Variants in CTIF observed in about 807,000 individuals in gnomAD.
CTIF encodes the protein CBP80/20-dependent translation initiation factor.
Under a neutral mutation model 66.0 loss-of-function variants are expected in CTIF, and 21 were observed. The observed-to-expected ratio is 0.32, with a 90% CI of 0.23 to 0.46. The LOEUF (loss-of-function observed/expected upper bound fraction) is 0.46, where lower values mean the gene tolerates loss of function less well. Ranked by LOEUF, CTIF falls within the 20% of genes least tolerant of loss-of-function variation. The pLI is 1.00. For synonymous variants in CTIF, 345 were observed against 326.4 expected, an observed-to-expected ratio of 1.06 and a Z score of -0.62; for missense variants, 739 against 812.7, an observed-to-expected ratio of 0.91 and a Z score of 1.10.
intron 3 of CTIF, among the ~76,000 whole-genome samples, chr18:48,650,731 C>T (rs1363413439): frequency 6.6e-6 from 1 of 152,120 alleles, no homozygotes; most frequent in East Asian, 1.9e-4. Flanking sequence ...AGAGAAAGGT[C>T]GGGTTACCCA....
intron 7 of CTIF, among the ~76,000 whole-genome samples, chr18:48,756,589 T>C (rs1415667386): frequency 6.6e-6 from 1 of 152,240 alleles, no homozygotes; most frequent in Non-Finnish European, 1.5e-5. Flanking sequence ...GCAAAATCTT[T>C]CCACTATTTT....
At chr18:48,577,411 T>C (rs539091154) in intron 1 of CTIF, among the ~76,000 whole-genome samples, 4 of 152,322 alleles carry the variant, frequency 2.6e-5, no homozygotes, top group South Asian at 4.1e-4. Flanking sequence ...CATATTTTGT[T>C]TGTCTTTGGC....
chr18:48,641,362 C>T (rs142569443), intron 3 of CTIF, among the ~76,000 whole-genome samples: 14 of 152,178 alleles, frequency 9.2e-5, no homozygotes, highest in African/African-American at 7.2e-5. Context: ...CTTCCCTTGA[C>T]GGAAGGACTT....
intron 1 of CTIF, among the ~76,000 whole-genome samples, chr18:48,552,529 G>A (rs549398608): frequency 4.6e-5 from 7 of 152,282 alleles, no homozygotes; most frequent in African/African-American, 7.2e-5. Context: ...AGATTGCACC[G>A]TCTCACTGCT....
intron 3 of CTIF, among the ~76,000 whole-genome samples, chr18:48,638,929 T>G (rs2090875890): frequency 6.6e-6 from 1 of 152,174 alleles, no homozygotes; most frequent in Non-Finnish European, 1.5e-5. Flanking sequence ...GGGAGGGACC[T>G]CCTACAGGCC....
intron 1 of CTIF, among the ~76,000 whole-genome samples, chr18:48,588,183 C>A (rs1170432244): frequency 6.6e-6 from 1 of 152,198 alleles, no homozygotes; most frequent in Non-Finnish European, 1.5e-5. Flanking sequence ...TCCTTGCTCG[C>A]ATCCTCATGG....
At position 48,663,789 on chromosome 18, in the gene CTIF, C is replaced by T. The variant is rs1324561987; in HGVS notation, c.290C>T (p.Thr97Met). 3 of 1,614,116 alleles carry T rather than the reference C, an allele frequency of 1.9e-6. No homozygotes were observed. The highest frequency in any genetic ancestry group is 1.1e-5 in the South Asian group (1 of 91,082). Residue 97 changes from threonine to methionine, a missense_variant, in exon 4 of 12, where the codon ACG becomes ATG. Physicochemically the swap from Thr to Met is moderately conservative, Grantham distance 81. Transcript: ENST00000256413. ...SKDNSLDMLG[T>M]DIWAANTFDS... is the part of the protein sequence containing the mutation. ...GACAACTCTCTGGACATGCTGGGCACGGACATCTGGGCGGCCAACACCTTC... is the reference window on the plus strand; with the variant it reads ...GACAACTCTCTGGACATGCTGGGCATGGACATCTGGGCGGCCAACACCTTC...
At chr18:48,793,618 A>G (rs11082703) in intron 9 of CTIF, among the ~76,000 whole-genome samples, 40,390 of 152,068 alleles carry the variant, frequency 0.27, 5,709 homozygotes, top group African/African-American at 0.36. Context: ...CACAGGCTCC[A>G]GGGGGCTTCT....
At chr18:48,751,944 TATTCATTCATTC>T (rs71976839) in intron 7 of CTIF, among the ~76,000 whole-genome samples, 154 of 151,018 alleles carry the variant, frequency 1.0e-3, no homozygotes, top group South Asian at 3.0e-3. Flanking sequence ...CATCATTTAT[TATTCATTCATTC>T]ATTCATTCAT....
At chr18:48,778,818 A>G (rs1910940405) in intron 9 of CTIF, among the ~76,000 whole-genome samples, 1 of 152,156 alleles carries the variant, frequency 6.6e-6, no homozygotes, top group South Asian at 2.1e-4. Flanking sequence ...TTCTGGGGGC[A>G]TTCTCACTAG....
intron 3 of CTIF, among the ~76,000 whole-genome samples, chr18:48,651,142 C>T (rs2091148240): frequency 1.3e-5 from 2 of 152,162 alleles, no homozygotes; most frequent in South Asian, 4.1e-4. Context: ...TCACACATAA[C>T]AATATTAACC....
At chr18:48,814,287 A>G (rs1313107768) in intron 9 of CTIF, among the ~76,000 whole-genome samples, 1 of 152,188 alleles carries the variant, frequency 6.6e-6, no homozygotes, top group Non-Finnish European at 1.5e-5. Flanking sequence ...GTTCAGAGCC[A>G]TGGTTGCACG....
At chr18:48,784,521 C>T (rs1599038141) in intron 9 of CTIF, among the ~76,000 whole-genome samples, 1 of 152,088 alleles carries the variant, frequency 6.6e-6, no homozygotes, top group African/African-American at 2.4e-5. Context: ...TGGGGCACCA[C>T]CAAAGGTTTG....
intron 7 of CTIF, among the ~76,000 whole-genome samples, chr18:48,751,511 C>T (rs1033576392): frequency 1.3e-5 from 2 of 152,212 alleles, no homozygotes; most frequent in African/African-American, 4.8e-5. Context: ...CTCCCCAGAC[C>T]ACAAGGAAGA....
chr18:48,621,807 G>C (rs2090498553), intron 2 of CTIF, among the ~76,000 whole-genome samples: 1 of 152,180 alleles, frequency 6.6e-6, no homozygotes, highest in Non-Finnish European at 1.5e-5. Flanking sequence ...GCTGTAAAGG[G>C]GAGAGACATG....
chr18:48,856,440 A>G (rs11082711), intron 10 of CTIF, among the ~76,000 whole-genome samples: 40,212 of 152,188 alleles, frequency 0.26, 5,544 homozygotes, highest in Admixed American at 0.33. Context: ...ACATGCATCC[A>G]GGAAAAGCCT....
At position 48,761,398 on chromosome 18, in the gene CTIF, G is replaced by A. The variant is rs1169425745; in HGVS notation, c.1080G>A (p.Val360=). 1.2e-6 allele frequency: 2 copies of A among 1,612,722 alleles called. No homozygotes were observed. Among genetic ancestry groups the A allele is most frequent in the Non-Finnish European group, 1.7e-6 (2 of 1,179,254 alleles). The change falls in exon 9 of 12, where the codon GTG becomes GTA. Residue 360 remains valine (V), a synonymous_variant. Transcript: ENST00000256413. This position sits in a 1 kb window ranked among gnomAD's most constrained non-coding sequence, Gnocchi z 4.2. ...GTCTCCGACACCCCCAGGATGAAGTGGCCGTGGAGACGACCACTCCCCAGC... is the reference window on the plus strand; with the variant it reads ...GTCTCCGACACCCCCAGGATGAAGTAGCCGTGGAGACGACCACTCCCCAGC... ...LRRRLKEKDE[V]AVETTTPQQN...
intron 10 of CTIF, among the ~76,000 whole-genome samples, chr18:48,836,316 C>T (rs2068808331): frequency 6.6e-6 from 1 of 152,182 alleles, no homozygotes; most frequent in Non-Finnish European, 1.5e-5. Flanking sequence ...CTGGGCTGCC[C>T]TTCAGGGTCC....
chr18:48,814,188 G>A (rs1306484778), intron 9 of CTIF, among the ~76,000 whole-genome samples: 8 of 152,170 alleles, frequency 5.3e-5, no homozygotes, highest in Non-Finnish European at 1.2e-4. Flanking sequence ...GGTATTTTTA[G>A]GGAATATAAG....
Sources: gnomAD v4.1 joint callset for allele counts (sites outside exome capture counted in the v4.1 genomes callset) on GRCh38, gnomAD v4.1.1 for gene constraint, Gnocchi (gnomAD v3.1) non-coding constraint, MANE v1.5 for transcripts, NCBI Gene and HGNC (gene_info 2026-07-23, HGNC 2026-07-21) for gene names.